CCDC88C: variants seen among roughly 807,000 people sequenced by gnomAD.
CCDC88C encodes the protein protein Daple.
In CCDC88C, 131 loss-of-function variants were observed where a neutral mutation model predicts 198.8. That is an observed-to-expected ratio of 0.66 (90% confidence interval 0.57 to 0.76). CCDC88C has a LOEUF of 0.76. Among genes scored for constraint, CCDC88C ranks in the 30% least tolerant of loss-of-function variants. The pLI is 0.00. For missense variants in CCDC88C, 2,553 were observed against 2,631.6 expected (o/e 0.97, Z 0.65); for synonymous variants, 1,166 against 1,114.7 (o/e 1.05, Z -0.92).
intron 29 of CCDC88C, among the ~76,000 whole-genome samples, chr14:91,275,909 C>T (rs1889942261): frequency 6.7e-6 from 1 of 149,206 alleles, no homozygotes; most frequent in Non-Finnish European, 1.5e-5. Flanking sequence ...GCAAGCTCCG[C>T]CTCCCGGGTT....
At chr14:91,386,866 T>C (rs1885181639) in intron 3 of CCDC88C, among the ~76,000 whole-genome samples, 1 of 152,218 alleles carries the variant, frequency 6.6e-6, no homozygotes. Context: ...AAGTCATCTC[T>C]GCCAGAGAAG....
Position 91,355,024 on chromosome 14 carries a change from G to A in CCDC88C, c.340+4618C>T, listed in dbSNP as rs1369581569. On this transcript the variant is annotated intron_variant, in intron 4 of 29. Transcript: ENST00000389857. ...TACACAGCTCGCTGGCAGAGGGACCGGCAGGTGCACAGGCCCTAGTGCCCG... is the reference window on the plus strand; with the variant it reads ...TACACAGCTCGCTGGCAGAGGGACCAGCAGGTGCACAGGCCCTAGTGCCCG... Among the ~76,000 whole-genome samples the A allele has an allele frequency of 5.3e-5, 8 of 152,196 alleles. No individual in the cohort carries two copies. The South Asian group carries it at 8.3e-4, about 16-fold the overall frequency.
At chr14:91,321,384 T>A (rs1892349770) in intron 12 of CCDC88C, 80 bp from the exon 13 acceptor site, 2 of 1,442,276 alleles carry the variant, frequency 1.4e-6, no homozygotes, top group African/African-American at 1.4e-5. Flanking sequence ...GAGATGGTCA[T>A]CAGTCCCGGA....
chr14:91,272,289 T>G lies in CCDC88C; in HGVS notation c.*336A>C. 3.4e-6 allele frequency: 1 copy of G among 292,996 alleles called. No homozygotes were observed. The highest frequency in any genetic ancestry group is 2.2e-5 in the African/African-American group (1 of 44,666). 18.1% of individuals were successfully genotyped at this position (292,996 alleles called of 1,614,324 possible). On this transcript the variant is annotated 3_prime_UTR_variant, in exon 30 of 30. Coordinates refer to ENST00000389857, the MANE Select transcript of CCDC88C (RefSeq NM_001080414.4). ...CGGAGCTCAACACATTGCAAATGAG[T>G]GTTCTACTGGGACATACTGGAGTAG...
In CCDC88C at chr14:91,273,537, G is replaced by A; in HGVS notation, c.5175C>T (p.Pro1725=). 6.6e-7 allele frequency: 1 copy of A among 1,522,590 alleles called. No homozygotes were observed. The highest frequency in any genetic ancestry group is 8.8e-7 in the Non-Finnish European group (1 of 1,134,190). 94.3% of individuals were successfully genotyped at this position (1,522,590 alleles called of 1,614,324 possible). Residue 1725 remains proline, a synonymous_variant, in exon 30 of 30, where the codon CCC becomes CCT. Coordinates refer to ENST00000389857, the MANE Select transcript of CCDC88C (RefSeq NM_001080414.4). This position sits in a 1 kb window ranked among gnomAD's most constrained non-coding sequence, Gnocchi z 5.6. ...TGACGGTGGGGGCCACAAAGTTGGTGGGCATCTTGGCCCCTTCTTTCTTGG... is the reference window on the plus strand; with the variant it reads ...TGACGGTGGGGGCCACAAAGTTGGTAGGCATCTTGGCCCCTTCTTTCTTGG... The part of the protein sequence containing the change: ...PPAKKEGAKM[P]TNFVAPTVKM...
intron 3 of CCDC88C, among the ~76,000 whole-genome samples, chr14:91,377,486 C>T (rs10138343): frequency 0.044 from 6,731 of 152,192 alleles, 329 homozygotes; most frequent in African/African-American, 0.12. Flanking sequence ...GAGCATGGGA[C>T]GCATCATGGG....
At chr14:91,276,100 G>T (rs916365302) in intron 29 of CCDC88C, among the ~76,000 whole-genome samples, 3 of 151,968 alleles carry the variant, frequency 2.0e-5, no homozygotes, top group Admixed American at 1.3e-4. Flanking sequence ...GATTACAGGC[G>T]TGAGCCACCG....
chr14:91,315,272 C>T (rs1021046121), intron 14 of CCDC88C, among the ~76,000 whole-genome samples: 3 of 152,140 alleles, frequency 2.0e-5, no homozygotes, highest in African/African-American at 7.2e-5. Context: ...TAAAACCACA[C>T]GGATTTGCCA....
intron 10 of CCDC88C, among the ~76,000 whole-genome samples, chr14:91,329,029 T>C (rs1168222979): frequency 1.3e-5 from 2 of 152,154 alleles, no homozygotes; most frequent in African/African-American, 4.8e-5. Context: ...GCCCAGGGCA[T>C]CCTCAGTGGG....
intron 4 of CCDC88C, among the ~76,000 whole-genome samples, chr14:91,355,810 G>C (rs1376152558): frequency 6.6e-6 from 1 of 152,128 alleles, no homozygotes; most frequent in Non-Finnish European, 1.5e-5. Flanking sequence ...GTCAGAGAAA[G>C]GGGACAAATG....
rs374161912 is a variant in CCDC88C, at chr14:91,304,075, G to A, written c.3358-97C>T. 3.8e-4 allele frequency: 532 copies of A among 1,399,494 alleles called. No individual in the cohort carries two copies. In the African/African-American group the frequency reaches 5.8e-3, roughly 15 times the overall value. 86.7% of individuals were successfully genotyped at this position (1,399,494 alleles called of 1,614,324 possible). A position where few individuals can be genotyped will look rare whatever the true frequency, so the allele number is the denominator to read the frequency against. Reference sequence around the variant, plus strand: ...TGCTCGAGCAGACACGAAAATAGCCGGGACCCTCAGGGCAGAAGACCCAGA... The same window carrying A: ...TGCTCGAGCAGACACGAAAATAGCCAGGACCCTCAGGGCAGAAGACCCAGA... On this transcript the variant is annotated intron_variant, in intron 19 of 29. Coordinates refer to ENST00000389857, the MANE Select transcript of CCDC88C (RefSeq NM_001080414.4).
Position 91,339,745 on chromosome 14 carries a change from C to T in CCDC88C, c.624+139G>A. 1 of 1,104,648 alleles carries T rather than the reference C, an allele frequency of 9.1e-7. No individual in the cohort carries two copies. Among genetic ancestry groups the T allele is most frequent in the Non-Finnish European group, 1.3e-6 (1 of 797,288 alleles). The allele number at this position is 1,104,648 out of a possible 1,614,324, so 68.4% of individuals were successfully genotyped here. A position where few individuals can be genotyped will look rare whatever the true frequency, so the allele number is the denominator to read the frequency against. On this transcript the variant is annotated intron_variant, in intron 7 of 29. Transcript: ENST00000389857. The surrounding 1 kb of genome is among the most constrained non-coding windows in gnomAD (Gnocchi z 5.8). ...GACCATGCACTGCAGGGGCCGTAAC[C>T]AGGGAAAGCACGCACGTCCCACCCC...
At chr14:91,278,878 C>G (rs1021456859) in intron 28 of CCDC88C, among the ~76,000 whole-genome samples, 1 of 146,260 alleles carries the variant, frequency 6.8e-6, no homozygotes, top group Admixed American at 6.9e-5. Context: ...AGAGCCAAAC[C>G]ACCAAATACA....
At chr14:91,412,766 C>T (rs1886855295) in intron 2 of CCDC88C, among the ~76,000 whole-genome samples, 1 of 152,106 alleles carries the variant, frequency 6.6e-6, no homozygotes, top group Non-Finnish European at 1.5e-5. Context: ...CTCAAAGCCC[C>T]CATGTGTCAT....
Position 91,313,735 on chromosome 14 carries a change from CCCT to C in CCDC88C, c.2078_2080del (p.Glu693del). 1 of 1,609,458 alleles carries C rather than the reference CCCT, an allele frequency of 6.2e-7. No individual in the cohort carries two copies. Among genetic ancestry groups the C allele is most frequent in the Non-Finnish European group, 8.5e-7 (1 of 1,179,822 alleles). On this transcript the variant is annotated inframe_deletion, in exon 15 of 30. Coordinates refer to ENST00000389857, the MANE Select transcript of CCDC88C (RefSeq NM_001080414.4). This position sits in a 1 kb window ranked among gnomAD's most constrained non-coding sequence, Gnocchi z 5.2. ...CAGCTGCTTGTTGTCACGCTCCAGG[CCCT>C]CAAGCTGCAGGGACACGTTCTGCAA...
chr14:91,373,368 G>A (rs1261551100), intron 3 of CCDC88C, among the ~76,000 whole-genome samples: 1 of 152,156 alleles, frequency 6.6e-6, no homozygotes, highest in East Asian at 1.9e-4. Flanking sequence ...ACATCTGCCT[G>A]GGGCCAAGCA....
chr14:91,342,364 G>A lies in CCDC88C; in HGVS notation c.483+16C>T, dbSNP rs146047985. The stretch of plus-strand genomic sequence containing the variant: ...AGCAGTCCACAGCTGAGCCCACCAC[G>A]AGGCCACGCACCTACCTCCTGGATA... On this transcript the variant is annotated intron_variant, in intron 6 of 29. Transcript: ENST00000389857. 3,464 of 1,545,526 alleles carry A rather than the reference G, an allele frequency of 2.2e-3. 7 individuals carry two copies. Among genetic ancestry groups the A allele is most frequent in the Middle Eastern group, 5.1e-3 (30 of 5,888 alleles).
chr14:91,320,277 T>C (rs865904217), intron 13 of CCDC88C, among the ~76,000 whole-genome samples: 1 of 152,176 alleles, frequency 6.6e-6, no homozygotes, highest in East Asian at 1.9e-4. Context: ...GGCCTGGAGG[T>C]TGAGCTAATC....
chr14:91,407,907 T>C (rs1167790345), intron 3 of CCDC88C, among the ~76,000 whole-genome samples: 1 of 152,222 alleles, frequency 6.6e-6, no homozygotes, highest in Admixed American at 6.5e-5. Context: ...CTCAGCCTCC[T>C]GAGTAGCTGG....
Sources: allele counts gnomAD v4.1 joint callset (sites outside exome capture counted in the v4.1 genomes callset), GRCh38; gene constraint gnomAD v4.1.1; non-coding constraint Gnocchi (gnomAD v3.1); transcripts MANE v1.5; gene names NCBI Gene and HGNC (gene_info 2026-07-23, HGNC 2026-07-21).